ADAMTS18: variants seen among roughly 807,000 people sequenced by gnomAD.
ADAMTS18 encodes the protein A disintegrin and metalloproteinase with thrombospondin motifs 18.
Under a neutral mutation model 165.9 loss-of-function variants are expected in ADAMTS18, and 157 were observed. The ratio of observed to expected loss-of-function variants is 0.95; its 90% CI spans 0.83 to 1.08. ADAMTS18 has a LOEUF of 1.08. Among genes scored for constraint, ADAMTS18 ranks in the 50% least tolerant of loss-of-function variants. ADAMTS18 has a pLI of 0.00. For missense variants in ADAMTS18, 2,040 were observed against 1,534.0 expected, an observed-to-expected ratio of 1.33 and a Z score of -5.51; for synonymous variants, 782 against 578.2, an observed-to-expected ratio of 1.35 and a Z score of -5.06.
At chr16:77,375,890 C>CTTTTTTTTTTTTTTTTTTTTTTTTT (rs200629744) in intron 3 of ADAMTS18, among the ~76,000 whole-genome samples, 2 of 93,904 alleles carry the variant, frequency 2.1e-5, no homozygotes, top group Non-Finnish European at 4.1e-5. Flanking sequence ...TCTTTCTTTC[C>CTTTTTTTTTTTTTTTTTTTTTTTTT]TTTTTTTTTT....
At position 77,364,366 on chromosome 16, in the gene ADAMTS18, G is replaced by A. The variant is rs147049816; in HGVS notation, c.794C>T (p.Pro265Leu). The change falls in exon 5 of 23, where the codon CCC becomes CTC. Residue 265 changes from proline (P) to leucine (L), a missense_variant. Pro to Leu is a moderately conservative substitution (Grantham distance 98). Coordinates refer to ENST00000282849, the MANE Select transcript of ADAMTS18 (RefSeq NM_199355.4). ...GRRKKYAPKP[P>L]TEDTYLRFDE... is the part of the protein sequence containing the mutation. Reference sequence around the variant, plus strand: ...AAACCTTAGATAGGTGTCCTCTGTGGGAGGCTTGGGAGCATCTACGATGAA... The same window carrying A: ...AAACCTTAGATAGGTGTCCTCTGTGAGAGGCTTGGGAGCATCTACGATGAA... 31 of 1,613,560 alleles carry A rather than the reference G, an allele frequency of 1.9e-5. No homozygotes were observed. In the African/African-American group the frequency reaches 2.1e-4, roughly 11 times the overall value.
intron 22 of ADAMTS18, among the ~76,000 whole-genome samples, chr16:77,284,387 C>T (rs2055208171): frequency 6.6e-6 from 1 of 152,090 alleles, no homozygotes; most frequent in Non-Finnish European, 1.5e-5. Context: ...TTCGGCCTCC[C>T]AAAGTACTGG....
intron 22 of ADAMTS18, among the ~76,000 whole-genome samples, chr16:77,284,297 T>C (rs2055206665): frequency 6.6e-6 from 1 of 152,032 alleles, no homozygotes. Flanking sequence ...AGCTAATTTT[T>C]GTATTTTTAG....
chr16:77,367,474 G>A lies in ADAMTS18; in HGVS notation c.745C>T (p.Gln249Ter). ...CGTCGTCCACAAAAATGCTGCTTTT[G>A]CAACCTTCGATGGTGATACTCTGTC... Reference protein sequence around the residue: ...RETEYHHRRLQKQHFCGRRKK... With the variant: ...RETEYHHRRL The change falls in exon 4 of 23, where the codon CAA becomes TAA. Residue 249 changes from glutamine to a stop codon, truncating the protein, a stop_gained. Coordinates refer to ENST00000282849, the MANE Select transcript of ADAMTS18 (RefSeq NM_199355.4). LOFTEE classifies it high-confidence loss of function. 1 of 1,614,220 alleles carries A rather than the reference G, an allele frequency of 6.2e-7. No individual in the cohort carries two copies. The highest frequency in any genetic ancestry group is 8.5e-7 in the Non-Finnish European group (1 of 1,180,026).
chr16:77,293,394 C>CTACTT (rs1416437919), intron 19 of ADAMTS18, 136 bp from the exon 20 acceptor site: 4 of 745,114 alleles, frequency 5.4e-6, no homozygotes, highest in Non-Finnish European at 9.0e-6. Flanking sequence ...TTTACGAGAT[C>CTACTT]TACTTAACCA....
intron 9 of ADAMTS18, among the ~76,000 whole-genome samples, chr16:77,355,319 C>G (rs911678791): frequency 6.6e-6 from 1 of 151,930 alleles, no homozygotes; most frequent in Non-Finnish European, 1.5e-5. Flanking sequence ...CTTAAGGTTT[C>G]TGTGTTATTA....
In ADAMTS18 at chr16:77,364,296, T is replaced by A. The variant is rs763143891; in HGVS notation, c.864A>T (p.Lys288Asn). The change falls in exon 5 of 23, where the codon AAA becomes AAT. Residue 288 changes from lysine to asparagine, a missense_variant. Transcript: ENST00000282849. ...TTTCCACATTGAGGCCCTTTTGTGATTTTCCAGCTGATCTTCTGGGTCGCC... is the reference window on the plus strand; with the variant it reads ...TTTCCACATTGAGGCCCTTTTGTGAATTTCCAGCTGATCTTCTGGGTCGCC... ...SSGRPRRSAG[K>N]SQKGLNVETL... 1.2e-6 allele frequency: 2 copies of A among 1,614,008 alleles called. No homozygotes were observed. Among genetic ancestry groups the A allele is most frequent in the Non-Finnish European group, 1.7e-6 (2 of 1,180,008 alleles).
intron 10 of ADAMTS18, among the ~76,000 whole-genome samples, chr16:77,348,935 A>G (rs1216503535): frequency 6.6e-6 from 1 of 152,214 alleles, no homozygotes; most frequent in Non-Finnish European, 1.5e-5. Context: ...TAACAAACAT[A>G]TACAAAGGCT....
intron 16 of ADAMTS18, among the ~76,000 whole-genome samples, chr16:77,316,492 G>C (rs994612592): frequency 9.9e-5 from 15 of 152,050 alleles, no homozygotes; most frequent in Non-Finnish European, 2.2e-4. Context: ...CCTCTTCCTT[G>C]ACATCCTGAT....
At chr16:77,305,288 A>C (rs1182924227) in intron 16 of ADAMTS18, among the ~76,000 whole-genome samples, 1 of 152,170 alleles carries the variant, frequency 6.6e-6, no homozygotes, top group Non-Finnish European at 1.5e-5. Flanking sequence ...CAAATACTTA[A>C]ACCTTTGGAG....
At chr16:77,395,505 C>A in intron 3 of ADAMTS18, among the ~76,000 whole-genome samples, 1 of 152,226 alleles carries the variant, frequency 6.6e-6, no homozygotes, top group East Asian at 1.9e-4. Context: ...CCTATCACCT[C>A]TCAACTGAAT....
At chr16:77,322,579 G>A (rs967220281) in intron 13 of ADAMTS18, 113 bp from the exon 14 acceptor site, 9 of 1,336,492 alleles carry the variant, frequency 6.7e-6, no homozygotes, top group Non-Finnish European at 9.5e-6. Context: ...GATGAATATG[G>A]AAAATGTGTG....
intron 3 of ADAMTS18, among the ~76,000 whole-genome samples, chr16:77,392,699 G>A (rs1393141359): frequency 6.6e-6 from 1 of 152,150 alleles, no homozygotes; most frequent in Admixed American, 6.5e-5. Flanking sequence ...GCATAGGGTA[G>A]ACGTCGTAAA....
intron 3 of ADAMTS18, among the ~76,000 whole-genome samples, chr16:77,372,754 C>A (rs2056894581): frequency 6.6e-6 from 1 of 152,180 alleles, no homozygotes; most frequent in Non-Finnish European, 1.5e-5. Context: ...GCCCACCCTT[C>A]CAGATCTAGC....
At chr16:77,298,128 G>T (rs2055510817) in intron 17 of ADAMTS18, among the ~76,000 whole-genome samples, 1 of 151,610 alleles carries the variant, frequency 6.6e-6, no homozygotes, top group Non-Finnish European at 1.5e-5. Context: ...ATGTTAGTCA[G>T]GCTGGTCTTG....
At chr16:77,339,231 C>T (rs1479041523) in intron 11 of ADAMTS18, among the ~76,000 whole-genome samples, 1 of 151,608 alleles carries the variant, frequency 6.6e-6, no homozygotes, top group East Asian at 1.9e-4. Flanking sequence ...CTGAGGAAAC[C>T]GTATATGAAT....
chr16:77,425,484 T>C (rs543801633), intron 3 of ADAMTS18, among the ~76,000 whole-genome samples: 1 of 152,310 alleles, frequency 6.6e-6, no homozygotes, highest in East Asian at 1.9e-4. Context: ...TCACTGAAGT[T>C]ATTCATCAGT....
At chr16:77,428,642 C>T (rs967765182) in intron 3 of ADAMTS18, among the ~76,000 whole-genome samples, 1 of 152,130 alleles carries the variant, frequency 6.6e-6, no homozygotes, top group Non-Finnish European at 1.5e-5. Context: ...TGAACATATA[C>T]AAGTTGAGTA....
At chr16:77,388,042 T>C (rs962796835) in intron 3 of ADAMTS18, among the ~76,000 whole-genome samples, 1 of 152,222 alleles carries the variant, frequency 6.6e-6, no homozygotes, top group Admixed American at 6.5e-5. Flanking sequence ...TGTTTCTGTC[T>C]TTCTCTGGTA....
Sources: gnomAD v4.1 joint callset for allele counts (sites outside exome capture counted in the v4.1 genomes callset) on GRCh38, gnomAD v4.1.1 for gene constraint, MANE v1.5 for transcripts, NCBI Gene and HGNC (gene_info 2026-07-23, HGNC 2026-07-21) for gene names.